The following PCDH15 variants were observed in gnomAD, a reference collection of about 807,000 sequenced individuals.
The protein encoded by PCDH15 is protocadherin related 15.
A neutral mutation model predicts 178.5 loss-of-function variants in PCDH15; 129 were observed. The observed-to-expected ratio is 0.72, with a 90% CI of 0.63 to 0.84. The LOEUF (loss-of-function observed/expected upper bound fraction) is 0.84, where lower values mean the gene tolerates loss of function less well. Ranked by LOEUF, PCDH15 falls within the 40% of genes least tolerant of loss-of-function variation. The probability of loss-of-function intolerance (pLI) is 0.00; values close to 1 mark genes in which losing one functional copy is unlikely to be tolerated. For missense variants in PCDH15, 2,230 were observed against 2,099.9 expected (o/e 1.06, Z -1.21); for synonymous variants, 800 against 732.0 (o/e 1.09, Z -1.50).
intron 1 of PCDH15, among the ~76,000 whole-genome samples, chr10:55,195,452 C>G (rs1409206959): frequency 6.9e-6 from 1 of 145,944 alleles, no homozygotes; most frequent in African/African-American, 2.6e-5. Context: ...ATCAGCCTGG[C>G]CAAGATGGTG....
chr10:55,184,520 AATAAT>A, intron 1 of PCDH15, among the ~76,000 whole-genome samples: 2 of 152,168 alleles, frequency 1.3e-5, no homozygotes, highest in African/African-American at 4.8e-5. Flanking sequence ...AAAGTTGATG[AATAAT>A]ATGTTACTTG....
chr10:55,137,175 C>T (rs549195919), intron 2 of PCDH15, among the ~76,000 whole-genome samples: 1 of 152,264 alleles, frequency 6.6e-6, no homozygotes, highest in African/African-American at 2.4e-5. Context: ...ATATTTCATA[C>T]ATTACAATCA....
At chr10:54,488,444 G>A (rs1589672857) in intron 3 of PCDH15, among the ~76,000 whole-genome samples, 6 of 150,712 alleles carry the variant, frequency 4.0e-5, no homozygotes, top group Admixed American at 4.0e-4. Flanking sequence ...GCCTTTTTAA[G>A]GTATGGTAAA....
rs1842114048 is a variant in PCDH15, at chr10:55,084,461, GT to G, written c.-80+82114del. Among the ~76,000 whole-genome samples, 6 of 104,440 alleles carry G rather than the reference GT, an allele frequency of 5.7e-5. No individual in the cohort carries two copies. In the Admixed American group the frequency reaches 6.1e-4, roughly 11 times the overall value. 68.5% of individuals were successfully genotyped at this position (104,440 alleles called of 152,430 possible). A position where few individuals can be genotyped will look rare whatever the true frequency, so the allele number is the denominator to read the frequency against. On this transcript the variant is annotated intron_variant, in intron 2 of 5. Transcript: ENST00000458638. ...AGACTTAAATCTAAGACCTCAAGCTGTAAAAAAAAAACTAAAAGAAAACTTT... is the reference window on the plus strand; with the variant it reads ...AGACTTAAATCTAAGACCTCAAGCTGAAAAAAAAAACTAAAAGAAAACTTT...
In PCDH15 at chr10:54,924,076, C is replaced by A. The variant is rs186603240; in HGVS notation, c.-79-26576G>T. Among the ~76,000 whole-genome samples the A allele has an allele frequency of 1.1e-4, 15 of 138,128 alleles. 1 individual carries two copies. The highest frequency in any genetic ancestry group is 3.7e-4 in the African/African-American group (15 of 40,100). The allele number at this position is 138,128 out of a possible 152,430, so 90.6% of individuals were successfully genotyped here. ...TCTACAAGCTGTTCAGGTGACATGG[C>A]TGTGGAGGCCATAGGAAACTTAAAA... On this transcript the variant is annotated intron_variant, in intron 2 of 5. Transcript: ENST00000458638.
chr10:55,069,360 C>T lies in PCDH15; in HGVS notation c.-80+97216G>A, dbSNP rs564783406. Among the ~76,000 whole-genome samples the T allele has an allele frequency of 9.1e-3, 1,347 of 147,444 alleles. 5 individuals carry two copies. The highest frequency in any genetic ancestry group is 0.015 in the Middle Eastern group (4 of 272). On this transcript the variant is annotated intron_variant, in intron 2 of 5. Transcript: ENST00000458638. Reference sequence around the variant, plus strand: ...CTTACATATGTATACATGTGCCATGCTGGTGTGCTGCACCCATTAACTCGT... The same window carrying T: ...CTTACATATGTATACATGTGCCATGTTGGTGTGCTGCACCCATTAACTCGT...
At chr10:54,810,417 G>A (rs1952844224) in intron 3 of PCDH15, among the ~76,000 whole-genome samples, 1 of 152,006 alleles carries the variant, frequency 6.6e-6, no homozygotes, top group African/African-American at 2.4e-5. Context: ...AGGAGTGAGT[G>A]CCTCTTGCAA....
At chr10:55,533,976 T>C (rs1841514051) in intron 2 of PCDH15, among the ~76,000 whole-genome samples, 1 of 152,038 alleles carries the variant, frequency 6.6e-6, no homozygotes, top group Non-Finnish European at 1.5e-5. Flanking sequence ...AAGCAAGCAA[T>C]GGGGAATGGA....
At position 55,010,264 on chromosome 10, in the gene PCDH15, C is replaced by A. The variant is rs1591833855; in HGVS notation, c.-79-112764G>T. Among the ~76,000 whole-genome samples, 3 of 151,846 alleles carry A rather than the reference C, an allele frequency of 2.0e-5. No individual in the cohort carries two copies. The East Asian group carries it at 5.8e-4, about 29-fold the overall frequency. ...TGGAGTTTTCCAGTATGCAGATAGACTAAGGGGCTATTATCCATTAATTTA... is the reference window on the plus strand; with the variant it reads ...TGGAGTTTTCCAGTATGCAGATAGAATAAGGGGCTATTATCCATTAATTTA... On this transcript the variant is annotated intron_variant, in intron 2 of 5. Transcript: ENST00000458638.
intron 2 of PCDH15, among the ~76,000 whole-genome samples, chr10:55,429,873 G>GAA (rs1565130321): frequency 6.6e-6 from 1 of 152,008 alleles, no homozygotes; most frequent in Admixed American, 6.6e-5. Context: ...TAAGTTTTCT[G>GAA]TTTACATTTA....
chr10:54,240,287 G>C (rs1442859310), intron 8 of PCDH15, among the ~76,000 whole-genome samples: 4 of 148,532 alleles, frequency 2.7e-5, no homozygotes, highest in Admixed American at 6.7e-5. Flanking sequence ...TAACAACAGG[G>C]TAAATCCAAA....
intron 2 of PCDH15, among the ~76,000 whole-genome samples, chr10:54,907,470 G>T (rs1321467361): frequency 6.6e-6 from 1 of 152,124 alleles, no homozygotes; most frequent in Admixed American, 6.6e-5. Flanking sequence ...ATGTGATGAA[G>T]ACGTCACATA....
intron 23 of PCDH15, among the ~76,000 whole-genome samples, chr10:53,943,812 C>G (rs1230809176): frequency 6.6e-6 from 1 of 151,932 alleles, no homozygotes; most frequent in Non-Finnish European, 1.5e-5. Flanking sequence ...AATCTTCTCC[C>G]AAAAAGAATT....
At chr10:54,176,796 T>TG (rs771180556) in intron 13 of PCDH15, among the ~76,000 whole-genome samples, 1 of 152,134 alleles carries the variant, frequency 6.6e-6, no homozygotes, top group Non-Finnish European at 1.5e-5. Flanking sequence ...CACATAGGCA[T>TG]GGAAAAGGAA....
rs570747515 is a variant in PCDH15 at position 55,327,157 on chromosome 10, G to A, written c.-155-160506C>T. ...TGAATAGAATTAGTGCCCCATAAAC[G>A]AGACCCCAGCAATATATCTGGCCCC... On this transcript the variant is annotated intron_variant, in intron 2 of 5. Transcript: ENST00000613346. 5.3e-4 allele frequency among the ~76,000 whole-genome samples: 80 copies of A among 152,156 alleles called. 1 individual carries two copies. Among genetic ancestry groups the A allele is most frequent in the African/African-American group, 1.9e-3 (79 of 41,528 alleles).
intron 3 of PCDH15, among the ~76,000 whole-genome samples, chr10:54,521,231 A>G (rs1052945386): frequency 1.3e-5 from 2 of 152,146 alleles, no homozygotes; most frequent in Non-Finnish European, 2.9e-5. Flanking sequence ...AACAAAATAG[A>G]AAATTAATCA....
chr10:55,233,208 T>C (rs1245972941), intron 1 of PCDH15, among the ~76,000 whole-genome samples: 1 of 152,122 alleles, frequency 6.6e-6, no homozygotes, highest in African/African-American at 2.4e-5. Context: ...TCTTGGATTA[T>C]TAAAATAAAC....
At position 55,273,072 on chromosome 10, in the gene PCDH15, C is replaced by G. The variant is rs189609973; in HGVS notation, c.-156+46527G>C. Among the ~76,000 whole-genome samples the G allele has an allele frequency of 3.6e-4, 54 of 152,068 alleles. No individual in the cohort carries two copies. The East Asian group carries it at 7.0e-3, about 20-fold the overall frequency. On this transcript the variant is annotated intron_variant, in intron 1 of 5. Coordinates refer to the PCDH15 transcript ENST00000458638. Reference sequence around the variant, plus strand: ...GATTGTTGCACTGTGCCTGGTGATACTGATTTCAAAGTTGAATGAAAAACT... The same window carrying G: ...GATTGTTGCACTGTGCCTGGTGATAGTGATTTCAAAGTTGAATGAAAAACT...
chr10:55,604,039 G>T (rs1474210229), intron 2 of PCDH15, among the ~76,000 whole-genome samples: 1 of 101,712 alleles, frequency 9.8e-6, no homozygotes, highest in South Asian at 3.4e-4. Context: ...AAAATAAAAG[G>T]ATGGAGGAAG....
Sources: gnomAD v4.1 joint callset for allele counts (sites outside exome capture counted in the v4.1 genomes callset) on GRCh38, gnomAD v4.1.1 for gene constraint, MANE v1.5 for transcripts, NCBI Gene and HGNC (gene_info 2026-07-23, HGNC 2026-07-21) for gene names.